The following SMIM38 variants were observed in gnomAD, a reference collection of about 807,000 sequenced individuals.
SMIM38 encodes small integral membrane protein 38.
intron 1 of SMIM38, among the ~76,000 whole-genome samples, 157 bp downstream of exon 1, chr11:69,156,271 A>C (rs2134696700): frequency 6.6e-6 from 1 of 152,362 alleles, no homozygotes; most frequent in African/African-American, 2.4e-5. Context: ...CCCTGTGGCC[A>C]GGAAGGCCCC....
rs1857042620 is a variant in SMIM38, at chr11:69,160,403, G to C, written c.*2307G>C. On this transcript the variant is annotated 3_prime_UTR_variant, in exon 3 of 3. Transcript: ENST00000686237. ...GTGTTTCACTATATTGGCCAGGCTG[G>C]TCTTGAACTCCTGACCTCAAGTGAT... 1 of 152,186 alleles carries C rather than the reference G, an allele frequency of 6.6e-6. No homozygotes were observed. Among genetic ancestry groups the C allele is most frequent in the Non-Finnish European group, 1.5e-5 (1 of 68,078 alleles). The allele number at this position is 152,186 out of a possible 1,614,324, so 9.4% of individuals were successfully genotyped here.
rs374593574 is a variant in SMIM38, at chr11:69,156,826, A to G, written c.-673-348A>G. Among the ~76,000 whole-genome samples the G allele has an allele frequency of 4.1e-4, 62 of 152,312 alleles. No homozygotes were observed. In the South Asian group the frequency reaches 0.012, roughly 30 times the overall value. On this transcript the variant is annotated intron_variant, in intron 1 of 2. Transcript: ENST00000686237. ...AGGATCTGCGGCTCTGAGAGGTTGC[A>G]CAACTTGCCCGAGGTCACTCAGCTA...
intron 1 of SMIM38, among the ~76,000 whole-genome samples, 161 bp from the exon 2 acceptor site, chr11:69,157,013 C>A (rs1856994428): frequency 1.3e-5 from 2 of 152,214 alleles, no homozygotes. Flanking sequence ...GTCCACCGGT[C>A]CCCTTCCTGG....
rs746612661 is a variant in SMIM38, at chr11:69,158,056, T to C, written c.*54T>C. On this transcript the variant is annotated 3_prime_UTR_variant, in exon 2 of 3. Transcript: ENST00000686237. ...CCTGTCCCGAGACTCAGCCGGCCCT[T>C]CCAGTGGTGGTGGGAGGGAGGGGAG... The C allele has an allele frequency of 5.0e-6, 2 of 398,376 alleles. No homozygotes were observed. Among genetic ancestry groups the C allele is most frequent in the Non-Finnish European group, 8.8e-6 (2 of 226,106 alleles). 24.7% of individuals were successfully genotyped at this position (398,376 alleles called of 1,614,324 possible). A position where few individuals can be genotyped will look rare whatever the true frequency, so the allele number is the denominator to read the frequency against.
At chr11:69,156,465 T>C (rs3019750) in intron 1 of SMIM38, among the ~76,000 whole-genome samples, 52,596 of 152,034 alleles carry the variant, frequency 0.35, 9,702 homozygotes, top group East Asian at 0.5. Flanking sequence ...TATCTCTCAC[T>C]CACAGAAACT....
At position 69,157,952 on chromosome 11, in the gene SMIM38, A is replaced by G. The variant is rs749921319; in HGVS notation, c.106A>G (p.Ile36Val). The change falls in exon 2 of 3, where the codon ATC becomes GTC. Residue 36 changes from isoleucine (I) to valine (V), a missense_variant. By Grantham distance (29) the Ile-to-Val change is conservative (BLOSUM62 3). Transcript: ENST00000686237. The part of the protein sequence containing the change: ...LILWSCLGTY[I>V]DYRLAQRRPQ... ...CCTGTGGTCCTGCCTCGGGACCTAC[A>G]TCGACTACAGACTGGCCCAGCGGCG... The G allele has an allele frequency of 2.5e-5, 10 of 399,066 alleles. No individual in the cohort carries two copies. Among genetic ancestry groups the G allele is most frequent in the Non-Finnish European group, 4.0e-5 (9 of 226,476 alleles). The allele number at this position is 399,066 out of a possible 1,614,324, so 24.7% of individuals were successfully genotyped here.
At position 69,161,572 on chromosome 11, in the gene SMIM38, T is replaced by C. The variant is rs1279898229; in HGVS notation, c.*3476T>C. 1 of 152,066 alleles carries C rather than the reference T, an allele frequency of 6.6e-6. No individual in the cohort carries two copies. The highest frequency in any genetic ancestry group is 1.5e-5 in the Non-Finnish European group (1 of 68,028). 9.4% of individuals were successfully genotyped at this position (152,066 alleles called of 1,614,324 possible). A position where few individuals can be genotyped will look rare whatever the true frequency, so the allele number is the denominator to read the frequency against. ...GGCTCCTTGGGGCCTCCTAAGAAAA[T>C]GTTTTAATAAGGAAGTCCAAGGCTG... On this transcript the variant is annotated 3_prime_UTR_variant, in exon 3 of 3. Coordinates refer to ENST00000686237, the MANE Select transcript of SMIM38 (RefSeq NM_001369201.2).
rs1857037938 is a variant in SMIM38, at chr11:69,160,139, G to A, written c.*2043G>A. ...TAGGATGGCACCTACACACATACCT[G>A]AGGTCACCTCTTGGTCCAGTGAGCC... On this transcript the variant is annotated 3_prime_UTR_variant, in exon 3 of 3. Transcript: ENST00000686237. 6.6e-6 allele frequency: 1 copy of A among 151,938 alleles called. No individual in the cohort carries two copies. Among genetic ancestry groups the A allele is most frequent in the South Asian group, 2.1e-4 (1 of 4,828 alleles). 9.4% of individuals were successfully genotyped at this position (151,938 alleles called of 1,614,324 possible). A position where few individuals can be genotyped will look rare whatever the true frequency, so the allele number is the denominator to read the frequency against.
At position 69,157,980 on chromosome 11, in the gene SMIM38, C is replaced by G; in HGVS notation, c.134C>G (p.Pro45Arg). Residue 45 changes from proline (P) to arginine (R), a missense_variant, in exon 2 of 3, where the codon CCC (proline) becomes CGC (arginine). Coordinates refer to ENST00000686237, the MANE Select transcript of SMIM38 (RefSeq NM_001369201.2). Reference sequence around the variant, plus strand: ...GACTACAGACTGGCCCAGCGGCGGCCCCAGAAACCCAAGCAGGACTAAGCC... The same window carrying G: ...GACTACAGACTGGCCCAGCGGCGGCGCCAGAAACCCAAGCAGGACTAAGCC... ...YIDYRLAQRRPQKPKQD is the reference protein window; with the variant it reads ...YIDYRLAQRRRQKPKQD 1 of 398,834 alleles carries G rather than the reference C, an allele frequency of 2.5e-6. No individual in the cohort carries two copies. The highest frequency in any genetic ancestry group is 4.4e-6 in the Non-Finnish European group (1 of 226,264). 24.7% of individuals were successfully genotyped at this position (398,834 alleles called of 1,614,324 possible).
rs1172451463 is a variant in SMIM38 at position 69,157,912 on chromosome 11, G to A, written c.66G>A (p.Leu22=). 2.5e-6 allele frequency: 1 copy of A among 399,430 alleles called. No homozygotes were observed. Among genetic ancestry groups the A allele is most frequent in the Non-Finnish European group, 4.4e-6 (1 of 226,720 alleles). 24.7% of individuals were successfully genotyped at this position (399,430 alleles called of 1,614,324 possible). ...TCCTGGCCCTGCTGGTGGTGATCCT[G>A]CTAGCACGCCTCATCCTGTGGTCCT... ...DPLLALLVVI[L]LARLILWSCL... is the part of the protein sequence containing the mutation. The change falls in exon 2 of 3, where the codon CTG becomes CTA. Residue 22 remains leucine, a synonymous_variant. Transcript: ENST00000686237.
rs1055025640 is a variant in SMIM38 at position 69,159,969 on chromosome 11, C to A, written c.*1873C>A. On this transcript the variant is annotated 3_prime_UTR_variant, in exon 3 of 3. Coordinates refer to ENST00000686237, the MANE Select transcript of SMIM38 (RefSeq NM_001369201.2). ...TGTCTTGTTTTTAAAATGGAAAGTT[C>A]GATGTCCTGGAAAACCCCTCAGTCC... 1 of 152,126 alleles carries A rather than the reference C, an allele frequency of 6.6e-6. No homozygotes were observed. The highest frequency in any genetic ancestry group is 6.5e-5 in the Admixed American group (1 of 15,282). 9.4% of individuals were successfully genotyped at this position (152,126 alleles called of 1,614,324 possible).
chr11:69,160,998 GA>G lies in SMIM38; in HGVS notation c.*2903del, dbSNP rs1476933491. On this transcript the variant is annotated 3_prime_UTR_variant, in exon 3 of 3. Transcript: ENST00000686237. ...ATTTGGCATTCCCAGGCTGTGGCGTGACAGCTTTGTGAAGTTATCAGGGTCT... is the reference window on the plus strand; with the variant it reads ...ATTTGGCATTCCCAGGCTGTGGCGTGCAGCTTTGTGAAGTTATCAGGGTCT... 6.6e-6 allele frequency: 1 copy of G among 152,234 alleles called. No homozygotes were observed. The highest frequency in any genetic ancestry group is 1.5e-5 in the Non-Finnish European group (1 of 68,034). 9.4% of individuals were successfully genotyped at this position (152,234 alleles called of 1,614,324 possible).
In SMIM38 at chr11:69,157,709, G is replaced by T. The variant is rs1857007508; in HGVS notation, c.-138G>T. Reference sequence around the variant, plus strand: ...GTCCCTTGGGGGCGCCGGCTGCAGAGGCCCCAGGCTGGACGGAGCTTCCTG... The same window carrying T: ...GTCCCTTGGGGGCGCCGGCTGCAGATGCCCCAGGCTGGACGGAGCTTCCTG... On this transcript the variant is annotated 5_prime_UTR_variant, in exon 2 of 3. It adds an upstream start codon to the 5' untranslated region. Transcript: ENST00000686237. 5.0e-6 allele frequency: 2 copies of T among 397,130 alleles called. No homozygotes were observed. The highest frequency in any genetic ancestry group is 8.9e-6 in the Non-Finnish European group (2 of 225,650). 24.6% of individuals were successfully genotyped at this position (397,130 alleles called of 1,614,324 possible). A position where few individuals can be genotyped will look rare whatever the true frequency, so the allele number is the denominator to read the frequency against.
rs1311007207 is a variant in SMIM38, at chr11:69,157,724, G to A, written c.-123G>A. 1.8e-5 allele frequency: 7 copies of A among 397,094 alleles called. No homozygotes were observed. Among genetic ancestry groups the A allele is most frequent in the African/African-American group, 6.2e-5 (3 of 48,620 alleles). The allele number at this position is 397,094 out of a possible 1,614,324, so 24.6% of individuals were successfully genotyped here. ...CGGCTGCAGAGGCCCCAGGCTGGAC[G>A]GAGCTTCCTGTCCTGGGTCTGCACA... On this transcript the variant is annotated 5_prime_UTR_variant, in exon 2 of 3. Transcript: ENST00000686237.
Position 69,160,068 on chromosome 11 carries a change from A to G in SMIM38, c.*1972A>G, listed in dbSNP as rs1191444398. 1 of 152,042 alleles carries G rather than the reference A, an allele frequency of 6.6e-6. No homozygotes were observed. The highest frequency in any genetic ancestry group is 1.5e-5 in the Non-Finnish European group (1 of 68,036). The allele number at this position is 152,042 out of a possible 1,614,324, so 9.4% of individuals were successfully genotyped here. A position where few individuals can be genotyped will look rare whatever the true frequency, so the allele number is the denominator to read the frequency against. Reference sequence around the variant, plus strand: ...TGTGCCGATGTCTTGCCAGTTGTAGAGTTTTGTGTAAACCTGTGTGTGGCC... The same window carrying G: ...TGTGCCGATGTCTTGCCAGTTGTAGGGTTTTGTGTAAACCTGTGTGTGGCC... On this transcript the variant is annotated 3_prime_UTR_variant, in exon 3 of 3. Transcript: ENST00000686237.
At position 69,159,571 on chromosome 11, in the gene SMIM38, A is replaced by T. The variant is rs1489186088; in HGVS notation, c.*1475A>T. 1 of 149,436 alleles carries T rather than the reference A, an allele frequency of 6.7e-6. No homozygotes were observed. Among genetic ancestry groups the T allele is most frequent in the Non-Finnish European group, 1.5e-5 (1 of 68,046 alleles). 9.3% of individuals were successfully genotyped at this position (149,436 alleles called of 1,614,324 possible). ...GAGGTGTCCAGGGGGTGACGTGAAGATGACCTATTGCAGAGGGTCCCTTCT... is the reference window on the plus strand; with the variant it reads ...GAGGTGTCCAGGGGGTGACGTGAAGTTGACCTATTGCAGAGGGTCCCTTCT... On this transcript the variant is annotated 3_prime_UTR_variant, in exon 3 of 3. Transcript: ENST00000686237.
rs764720302 is a variant in SMIM38, at chr11:69,157,915, A to G, written c.69A>G (p.Leu23=). Residue 23 remains leucine (L), a synonymous_variant, in exon 2 of 3, where the codon CTA becomes CTG. Transcript: ENST00000686237. ...PLLALLVVIL[L]ARLILWSCLG... is the part of the protein sequence containing the mutation. Reference sequence around the variant, plus strand: ...TGGCCCTGCTGGTGGTGATCCTGCTAGCACGCCTCATCCTGTGGTCCTGCC... The same window carrying G: ...TGGCCCTGCTGGTGGTGATCCTGCTGGCACGCCTCATCCTGTGGTCCTGCC... 2.5e-4 allele frequency: 98 copies of G among 399,216 alleles called. No individual in the cohort carries two copies. Among genetic ancestry groups the G allele is most frequent in the Non-Finnish European group, 3.8e-4 (86 of 226,668 alleles). 24.7% of individuals were successfully genotyped at this position (399,216 alleles called of 1,614,324 possible). A position where few individuals can be genotyped will look rare whatever the true frequency, so the allele number is the denominator to read the frequency against.
chr11:69,161,325 C>T lies in SMIM38; in HGVS notation c.*3229C>T, dbSNP rs1288134957. The T allele has an allele frequency of 6.6e-6, 1 of 152,228 alleles. No homozygotes were observed. Among genetic ancestry groups the T allele is most frequent in the African/African-American group, 2.4e-5 (1 of 41,460 alleles). 9.4% of individuals were successfully genotyped at this position (152,228 alleles called of 1,614,324 possible). A position where few individuals can be genotyped will look rare whatever the true frequency, so the allele number is the denominator to read the frequency against. On this transcript the variant is annotated 3_prime_UTR_variant, in exon 3 of 3. Transcript: ENST00000686237. ...TTATAAAGAAACAGAGGCAAAATGG[C>T]GATCAGGCAGGCAACTGGGTGGTCT... is the stretch of plus-strand genomic sequence containing the variant.
rs1045757744 is a variant in SMIM38, at chr11:69,161,441, G to A, written c.*3345G>A. The A allele has an allele frequency of 1.3e-5, 2 of 152,270 alleles. No individual in the cohort carries two copies. The highest frequency in any genetic ancestry group is 6.5e-5 in the Admixed American group (1 of 15,284). The allele number at this position is 152,270 out of a possible 1,614,324, so 9.4% of individuals were successfully genotyped here. A position where few individuals can be genotyped will look rare whatever the true frequency, so the allele number is the denominator to read the frequency against. On this transcript the variant is annotated 3_prime_UTR_variant, in exon 3 of 3. Transcript: ENST00000686237. ...TTGGGCACCTTTGTGGTACCCTTAT[G>A]TGCTGGTTTTGCTGTTGTCTGCCCT...
Sources: gnomAD v4.1 joint callset for allele counts (sites outside exome capture counted in the v4.1 genomes callset) on GRCh38, gnomAD v4.1.1 for gene constraint, MANE v1.5 for transcripts, NCBI Gene and HGNC (gene_info 2026-07-23, HGNC 2026-07-21) for gene names.